Variants in ZFYVE26 observed in about 807,000 individuals in gnomAD.
ZFYVE26 encodes the protein zinc finger FYVE domain-containing protein 26.
Under a neutral mutation model 276.5 loss-of-function variants are expected in ZFYVE26, and 181 were observed. The observed-to-expected ratio is 0.65, with a 90% CI of 0.58 to 0.74. The LOEUF is 0.74. ZFYVE26 is among the 30% of genes least tolerant of loss of function. ZFYVE26 has a pLI of 0.00. For synonymous variants in ZFYVE26, 1,129 were observed against 1,203.1 expected, an observed-to-expected ratio of 0.94 and a Z score of 1.27; for missense variants, 2,821 against 3,097.9, an observed-to-expected ratio of 0.91 and a Z score of 2.12.
intron 25 of ZFYVE26, among the ~76,000 whole-genome samples, chr14:67,777,015 A>C (rs931868398): frequency 1.3e-5 from 2 of 152,246 alleles, no homozygotes; most frequent in Admixed American, 1.3e-4. Context: ...AAAGTTATAC[A>C]TCAAAGGTAA....
rs2038308298 is a variant in ZFYVE26 at position 67,733,173 on chromosome 14, C to A, written n.2680-3354G>T. On this transcript the variant is annotated intron_variant and non_coding_transcript_variant, in intron 13 of 14. Coordinates refer to the ZFYVE26 transcript ENST00000394455. The stretch of plus-strand genomic sequence containing the variant: ...AAAACATGATGAGAACTGTGTTCTG[C>A]TCCCACCCCCTATCCCTCTAGTCCT... 2.0e-5 allele frequency among the ~76,000 whole-genome samples: 3 copies of A among 152,032 alleles called. No individual in the cohort carries two copies. In the South Asian group the frequency reaches 6.2e-4, roughly 32 times the overall value.
chr14:67,771,339 G>A (rs1201927199), intron 28 of ZFYVE26, among the ~76,000 whole-genome samples: 1 of 152,200 alleles, frequency 6.6e-6, no homozygotes, highest in Non-Finnish European at 1.5e-5. Flanking sequence ...GGTATTCCAT[G>A]GTGTATATGT....
chr14:67,815,274 GGT>G (rs1319633398), intron 2 of ZFYVE26, among the ~76,000 whole-genome samples: 2 of 152,184 alleles, frequency 1.3e-5, no homozygotes, highest in Admixed American at 1.3e-4. Flanking sequence ...TCAATTTCAT[GGT>G]TTTGATATTG....
chr14:67,762,495 G>T, intron 33 of ZFYVE26, 83 bp from the exon 34 acceptor site: 4 of 1,537,470 alleles, frequency 2.6e-6, no homozygotes, highest in South Asian at 2.3e-5. Flanking sequence ...TTCCCAAGTT[G>T]CCAACCACCT....
At chr14:67,753,941 G>C (rs2140182871) in intron 38 of ZFYVE26, 130 bp downstream of exon 38, 1 of 1,534,732 alleles carries the variant, frequency 6.5e-7, no homozygotes, top group Non-Finnish European at 9.0e-7. Context: ...ACCAGTCTTT[G>C]GTGGCTCATA....
chr14:67,798,155 T>C lies in ZFYVE26; in HGVS notation c.2107A>G (p.Ser703Gly). The change falls in exon 11 of 42, where the codon AGC becomes GGC. Residue 703 changes from serine to glycine, a missense_variant. By Grantham distance (56) the Ser-to-Gly change is moderately conservative (BLOSUM62 0). Coordinates refer to ENST00000347230, the MANE Select transcript of ZFYVE26 (RefSeq NM_015346.4). ...TCTTGCTTTGGCTTCTCAGGAGGGC[T>C]GCGGCTACTGATCTCATCCAGTTGC... ...QEQLDEISSR[S>G]PPEKPKQESQ... The C allele has an allele frequency of 6.2e-7, 1 of 1,614,106 alleles. No homozygotes were observed. The highest frequency in any genetic ancestry group is 8.5e-7 in the Non-Finnish European group (1 of 1,179,968).
intron 9 of ZFYVE26, among the ~76,000 whole-genome samples, chr14:67,803,316 A>T (rs2040114468): frequency 6.6e-6 from 1 of 152,198 alleles, no homozygotes; most frequent in South Asian, 2.1e-4. Context: ...CTTAGGTTAA[A>T]AAAAGGCTTT....
downstream of ZFYVE26, among the ~76,000 whole-genome samples, chr14:67,742,453 C>T (rs1327063625): frequency 6.6e-6 from 1 of 152,196 alleles, no homozygotes; most frequent in Non-Finnish European, 1.5e-5. Flanking sequence ...TTTCAAGGAT[C>T]CTAGGCTCTG....
Position 67,784,444 on chromosome 14 carries a change from G to A in ZFYVE26, c.3524-8C>T, listed in dbSNP as rs754951927. 3.1e-6 allele frequency: 5 copies of A among 1,612,146 alleles called. No individual in the cohort carries two copies. In the African/African-American group the frequency reaches 5.3e-5, roughly 17 times the overall value. On this transcript the variant is annotated splice_region_variant and splice_polypyrimidine_tract_variant and intron_variant, in intron 19 of 41. Coordinates refer to ENST00000347230, the MANE Select transcript of ZFYVE26 (RefSeq NM_015346.4). ...CCTTGACCTCCACATGATCTGCAAA[G>A]GTAAAGAACATGATCTTTGTTTGCA...
intron 34 of ZFYVE26, chr14:67,761,885 T>C: frequency 1.8e-6 from 1 of 555,132 alleles, no homozygotes; most frequent in Non-Finnish European, 3.2e-6. Flanking sequence ...CAACCCCAGT[T>C]TCATTAAACA....
At chr14:67,809,316 A>T (rs1285809233) in intron 3 of ZFYVE26, 27 bp from the exon 4 acceptor site, 1 of 1,529,902 alleles carries the variant, frequency 6.5e-7, no homozygotes, top group Admixed American at 1.7e-5. Flanking sequence ...AATGAAGCAT[A>T]GAGATGAGAT....
rs760161618 is a variant in ZFYVE26, at chr14:67,755,137, C to T, written c.6900G>A (p.Lys2300=). The T allele has an allele frequency of 9.9e-6, 16 of 1,614,082 alleles. No homozygotes were observed. Among genetic ancestry groups the T allele is most frequent in the African/African-American group, 1.3e-5 (1 of 74,936 alleles). ...TGCGGGATGTTTCTTGGAGGTAGAT[C>T]TTCAGGTGGTCCTTGGCCTTAAGTA... ...SWLLKAKDHL[K]IYLQETSRSS... The change falls in exon 37 of 42, where the codon AAG becomes AAA. Residue 2300 remains lysine (K), a synonymous_variant. Transcript: ENST00000347230.
At chr14:67,758,108 T>C (rs1033731801) in intron 35 of ZFYVE26, among the ~76,000 whole-genome samples, 1 of 152,046 alleles carries the variant, frequency 6.6e-6, no homozygotes, top group Non-Finnish European at 1.5e-5. Context: ...AGGTTAGGAG[T>C]AATTAACGGA....
At chr14:67,758,029 TTAC>T (rs1391846491) in intron 35 of ZFYVE26, among the ~76,000 whole-genome samples, 5 of 152,220 alleles carry the variant, frequency 3.3e-5, no homozygotes, top group South Asian at 2.1e-4. Context: ...GTCTGTTTTT[TTAC>T]TACTGTATCC....
intron 13 of ZFYVE26, among the ~76,000 whole-genome samples, chr14:67,731,207 C>CTTTTTTT (rs71129853): frequency 1.0e-3 from 95 of 90,554 alleles, no homozygotes; most frequent in African/African-American, 2.1e-3. Flanking sequence ...TTCTTTCTTT[C>CTTTTTTT]TTTTTTTTTT....
rs2039498397 is a variant in ZFYVE26 at position 67,781,478 on chromosome 14, C to T, written c.4424G>A (p.Ser1475Asn). 2 of 1,614,098 alleles carry T rather than the reference C, an allele frequency of 1.2e-6. No homozygotes were observed. The highest frequency in any genetic ancestry group is 1.3e-5 in the African/African-American group (1 of 74,922). The change falls in exon 22 of 42, where the codon AGT becomes AAT. Residue 1475 changes from serine to asparagine, a missense_variant. By Grantham distance (46) the Ser-to-Asn change is conservative (BLOSUM62 1). Transcript: ENST00000347230. ...LFPVKDASLR[S>N]RLALQFVDRW... Reference sequence around the variant, plus strand: ...GTCCACAAACTGTAGGGCCAGCCGACTTCTCAGAGATGCATCCTTCACGGG... The same window carrying T: ...GTCCACAAACTGTAGGGCCAGCCGATTTCTCAGAGATGCATCCTTCACGGG...
At chr14:67,792,926 A>AAG (rs1160335868) in intron 14 of ZFYVE26, among the ~76,000 whole-genome samples, 1 of 150,240 alleles carries the variant, frequency 6.7e-6, no homozygotes, top group African/African-American at 2.4e-5. Flanking sequence ...AAAAAAAAAA[A>AAG]AAAAAAAAGA....
Position 67,805,286 on chromosome 14 carries a change from A to T in ZFYVE26, c.1202T>A (p.Leu401His). Residue 401 changes from leucine to histidine, a missense_variant, in exon 8 of 42, where the codon CTC becomes CAC. Physicochemically the swap from Leu to His is moderately conservative, Grantham distance 99 (BLOSUM62 -3). Transcript: ENST00000347230. Reference protein sequence around the residue: ...HRTQGPGCDELLRDACDGLWA... With the variant: ...HRTQGPGCDEHLRDACDGLWA... Reference sequence around the variant, plus strand: ...CAACCCATCACAGGCATCCCTGAGGAGCTCATCACAGCCTGGGCCCTATGT... The same window carrying T: ...CAACCCATCACAGGCATCCCTGAGGTGCTCATCACAGCCTGGGCCCTATGT... 1.2e-6 allele frequency: 2 copies of T among 1,614,110 alleles called. No individual in the cohort carries two copies. The highest frequency in any genetic ancestry group is 1.7e-5 in the Admixed American group (1 of 59,996).
chr14:67,815,396 G>T (rs1472876929), intron 2 of ZFYVE26: 2 of 283,018 alleles, frequency 7.1e-6, no homozygotes, highest in Non-Finnish European at 1.4e-5. Context: ...GAAATAAAAA[G>T]TTTTAAGTAA....
Sources: gnomAD v4.1 joint callset for allele counts (sites outside exome capture counted in the v4.1 genomes callset) on GRCh38, gnomAD v4.1.1 for gene constraint, MANE v1.5 for transcripts, NCBI Gene and HGNC (gene_info 2026-07-23, HGNC 2026-07-21) for gene names.